The following NTRK3 variants were observed in gnomAD, a reference collection of about 807,000 sequenced individuals.
The protein encoded by NTRK3 is NT-3 growth factor receptor.
In NTRK3, 24 loss-of-function variants were observed where a neutral mutation model predicts 91.7. The ratio of observed to expected loss-of-function variants is 0.26; its 90% CI spans 0.19 to 0.37. The LOEUF (loss-of-function observed/expected upper bound fraction) is 0.37, where lower values mean the gene tolerates loss of function less well. Among genes scored for constraint, NTRK3 ranks in the 10% least tolerant of loss-of-function variants. The pLI, the probability that NTRK3 is intolerant of heterozygous loss-of-function variation, is 1.00. For synonymous variants in NTRK3, 483 were observed against 404.0 expected (o/e 1.20, Z -2.34); for missense variants, 880 against 1,068.9 (o/e 0.82, Z 2.46).
chr15:88,218,975 C>T (rs2050023465), intron 3 of NTRK3, among the ~76,000 whole-genome samples: 1 of 152,246 alleles, frequency 6.6e-6, no homozygotes, highest in African/African-American at 2.4e-5. Context: ...GCATCACCCA[C>T]GTGGTCTCTC....
At chr15:88,208,046 G>A (rs1342061829) in intron 3 of NTRK3, among the ~76,000 whole-genome samples, 1 of 152,170 alleles carries the variant, frequency 6.6e-6, no homozygotes, top group Non-Finnish European at 1.5e-5. Context: ...CCCACTCCCT[G>A]CAATGGGATC....
At chr15:88,178,909 G>C (rs1286978364) in intron 5 of NTRK3, among the ~76,000 whole-genome samples, 1 of 152,174 alleles carries the variant, frequency 6.6e-6, no homozygotes. Context: ...CCTATAAGAA[G>C]TTCTTGCTGT....
chr15:88,195,284 C>G (rs1208653150), intron 3 of NTRK3, among the ~76,000 whole-genome samples: 3 of 152,184 alleles, frequency 2.0e-5, no homozygotes, highest in Admixed American at 6.5e-5. Context: ...CCTATGTGTT[C>G]ACTTGTTTAT....
intron 14 of NTRK3, among the ~76,000 whole-genome samples, chr15:87,951,208 A>G (rs1248812379): frequency 6.6e-6 from 1 of 152,214 alleles, no homozygotes; most frequent in Non-Finnish European, 1.5e-5. Context: ...ATCCTGTGTT[A>G]TCCGTAAGAT....
chr15:88,135,862 T>C (rs920410315), intron 9 of NTRK3, 37 bp downstream of exon 9: 5 of 1,612,142 alleles, frequency 3.1e-6, no homozygotes. Context: ...CAGTTGCCCC[T>C]CACACACAGC....
intron 14 of NTRK3, among the ~76,000 whole-genome samples, chr15:87,946,558 G>A (rs2070521137): frequency 6.6e-6 from 1 of 152,104 alleles, no homozygotes; most frequent in South Asian, 2.1e-4. Flanking sequence ...GACTTAAGAG[G>A]CTCAGAAGCA....
At chr15:88,226,347 TCCC>T (rs2050674072) in intron 3 of NTRK3, among the ~76,000 whole-genome samples, 1 of 152,094 alleles carries the variant, frequency 6.6e-6, no homozygotes, top group Admixed American at 6.5e-5. Flanking sequence ...TCAGGGTAGA[TCCC>T]AGGAAGTGCC....
chr15:87,979,322 A>C (rs1255952307), intron 14 of NTRK3: 1 of 1,537,718 alleles, frequency 6.5e-7, no homozygotes, highest in Non-Finnish European at 9.0e-7. Context: ...TGACATCAAA[A>C]CAAGGAGGCT....
At chr15:87,903,194 T>C (rs2066556539) in intron 17 of NTRK3, among the ~76,000 whole-genome samples, 1 of 152,196 alleles carries the variant, frequency 6.6e-6, no homozygotes. Flanking sequence ...AGTCTAGAAA[T>C]AGCAGAACCC....
At chr15:87,864,660 T>C (rs1025774702) in exon 19 of NTRK3, 2 of 230,436 alleles carry the variant, frequency 8.7e-6, no homozygotes, top group Non-Finnish European at 1.7e-5. Flanking sequence ...CATCCCCCTG[T>C]CTCCTTGTAT....
In NTRK3 at chr15:87,924,061, A is replaced by G. The variant is rs145747977; in HGVS notation, c.2133+5130T>C. Among the ~76,000 whole-genome samples the G allele has an allele frequency of 3.1e-3, 466 of 152,244 alleles. 3 individuals carry two copies. The highest frequency in any genetic ancestry group is 0.01 in the African/African-American group (435 of 41,544). On this transcript the variant is annotated intron_variant, in intron 17 of 18. Transcript: ENST00000394480. The stretch of plus-strand genomic sequence containing the variant: ...ACAGAACAGACTAAGACAATAATTA[A>G]TATTTATTATTTATCATCCTAAGAG...
rs1319330237 is a variant in NTRK3, at chr15:87,941,466, T to TACAC, written c.1586-717_1586-714dup. Among the ~76,000 whole-genome samples the TACAC allele has an allele frequency of 3.7e-5, 5 of 133,678 alleles. No individual in the cohort carries two copies. In the South Asian group the frequency reaches 1.4e-3, roughly 37 times the overall value. 87.7% of individuals were successfully genotyped at this position (133,678 alleles called of 152,430 possible). A position where few individuals can be genotyped will look rare whatever the true frequency, so the allele number is the denominator to read the frequency against. ...CAAGACACACGCATGCACACACACA[T>TACAC]ACACATACACACACACACACACACA... On this transcript the variant is annotated intron_variant, in intron 14 of 18. Transcript: ENST00000394480.
intron 13 of NTRK3, among the ~76,000 whole-genome samples, chr15:88,051,650 G>A (rs962965506): frequency 1.7e-4 from 26 of 152,076 alleles, no homozygotes; most frequent in African/African-American, 6.0e-4. Context: ...TATTGTTGGG[G>A]TTAAATAAAA....
At chr15:88,139,933 T>TGGGGGGGGGGGGGGGGGGGGG (rs1567509324) in intron 6 of NTRK3, among the ~76,000 whole-genome samples, 2 of 20,098 alleles carry the variant, frequency 1.0e-4, no homozygotes, top group Non-Finnish European at 2.0e-4. Flanking sequence ...AGGGGGGGAG[T>TGGGGGGGGGGGGGGGGGGGGG]GTGGGGGGTG....
intron 17 of NTRK3, among the ~76,000 whole-genome samples, chr15:87,914,642 G>A (rs2067318416): frequency 6.6e-6 from 1 of 152,156 alleles, no homozygotes; most frequent in South Asian, 2.1e-4. Flanking sequence ...ATGCTTTATT[G>A]AGGTATGGAA....
intron 13 of NTRK3, among the ~76,000 whole-genome samples, chr15:88,098,850 A>G (rs1329867338): frequency 6.6e-6 from 1 of 152,194 alleles, no homozygotes; most frequent in Admixed American, 6.5e-5. Context: ...GAAACTCAGT[A>G]ATCAAGAGAG....
At chr15:87,908,062 C>T (rs1208103204) in intron 17 of NTRK3, among the ~76,000 whole-genome samples, 1 of 152,130 alleles carries the variant, frequency 6.6e-6, no homozygotes, top group Non-Finnish European at 1.5e-5. Flanking sequence ...CAGGGAGTCT[C>T]CTATGGAGTG....
chr15:88,101,593 A>T (rs1279774593), intron 13 of NTRK3, among the ~76,000 whole-genome samples: 1 of 152,246 alleles, frequency 6.6e-6, no homozygotes, highest in Non-Finnish European at 1.5e-5. Context: ...CACTATTCAC[A>T]ATAGCAAAGA....
chr15:88,135,148 G>A (rs763026651), exon 10 of NTRK3: 1 of 1,614,288 alleles, frequency 6.2e-7, no homozygotes, highest in Non-Finnish European at 8.5e-7. Flanking sequence ...CTGGTTGGCT[G>A]TGCCCAGTGG....
Sources: gnomAD v4.1 joint callset for allele counts (sites outside exome capture counted in the v4.1 genomes callset) on GRCh38, gnomAD v4.1.1 for gene constraint, MANE v1.5 for transcripts, NCBI Gene and HGNC (gene_info 2026-07-23, HGNC 2026-07-21) for gene names.